TM7SF3: variants seen among roughly 807,000 people sequenced by gnomAD.
The protein encoded by TM7SF3 is seven span transmembrane protein.
A neutral mutation model predicts 65.5 loss-of-function variants in TM7SF3; 60 were observed. The observed-to-expected ratio is 0.92, with a 90% CI of 0.74 to 1.14. TM7SF3 has a LOEUF of 1.14. TM7SF3 is among the 50% of genes most tolerant of loss of function. The probability of loss-of-function intolerance (pLI) is 0.00; values close to 1 mark genes in which losing one functional copy is unlikely to be tolerated. For synonymous variants in TM7SF3, 264 were observed against 259.6 expected, an observed-to-expected ratio of 1.02 and a Z score of -0.16; for missense variants, 623 against 684.8, an observed-to-expected ratio of 0.91 and a Z score of 1.01.
chr12:27,008,601 A>C (rs1044231752), intron 1 of TM7SF3, among the ~76,000 whole-genome samples: 7 of 152,172 alleles, frequency 4.6e-5, no homozygotes, highest in African/African-American at 1.2e-4. Context: ...ATATACCAAG[A>C]TCATGAAGAT....
chr12:27,013,662 A>C (rs1008876054), intron 1 of TM7SF3, among the ~76,000 whole-genome samples: 1 of 152,168 alleles, frequency 6.6e-6, no homozygotes, highest in Non-Finnish European at 1.5e-5. Context: ...TGGGGGTGTA[A>C]AAATTCCATG....
chr12:26,987,317 C>T (rs1324828588), intron 6 of TM7SF3, among the ~76,000 whole-genome samples: 1 of 152,172 alleles, frequency 6.6e-6, no homozygotes, highest in African/African-American at 2.4e-5. Flanking sequence ...AATGTATCCT[C>T]CCAACCTTCT....
At chr12:27,003,709 C>T (rs1250926373) in intron 1 of TM7SF3, among the ~76,000 whole-genome samples, 1 of 152,172 alleles carries the variant, frequency 6.6e-6, no homozygotes. Context: ...GGAACAGAGT[C>T]CCTGAATTTA....
At chr12:26,977,325 A>G (rs981621692) in intron 9 of TM7SF3, among the ~76,000 whole-genome samples, 2 of 152,290 alleles carry the variant, frequency 1.3e-5, no homozygotes, top group African/African-American at 4.8e-5. Flanking sequence ...GAAAATAGTT[A>G]CGATGCATGC....
At chr12:26,980,505 G>A (rs1213840586) in intron 8 of TM7SF3, 61 bp downstream of exon 8, 2 of 856,878 alleles carry the variant, frequency 2.3e-6, no homozygotes, top group Non-Finnish European at 3.9e-6. Flanking sequence ...AAGGAAAGGT[G>A]AAGTAAAACA....
At chr12:26,991,403 C>G (rs1055443287) in intron 5 of TM7SF3, among the ~76,000 whole-genome samples, 1 of 152,006 alleles carries the variant, frequency 6.6e-6, no homozygotes, top group East Asian at 1.9e-4. Context: ...CCACCCGCCT[C>G]GGCCTCCCAA....
chr12:26,998,732 A>G (rs1940704822), intron 3 of TM7SF3, among the ~76,000 whole-genome samples: 2 of 151,972 alleles, frequency 1.3e-5, no homozygotes, highest in African/African-American at 4.8e-5. Context: ...GCCCTCTCCA[A>G]TCCATCCCCA....
Position 26,974,104 on chromosome 12 carries a change from T to C in TM7SF3, c.1574A>G (p.Glu525Gly). Reference protein sequence around the residue: ...HPYKLWKQERERRVTNILDPS... With the variant: ...HPYKLWKQERGRRVTNILDPS... ...GTCCAGAATGTTTGTCACTCGGCGCTCTCTCTCTTGCTTCCATAACTTGTA... is the reference window on the plus strand; with the variant it reads ...GTCCAGAATGTTTGTCACTCGGCGCCCTCTCTCTTGCTTCCATAACTTGTA... Residue 525 changes from glutamate to glycine, a missense_variant, in exon 12 of 12, where the codon GAG becomes GGG. By Grantham distance (98) the Glu-to-Gly change is moderately conservative. Coordinates refer to ENST00000343028, the MANE Select transcript of TM7SF3 (RefSeq NM_016551.3). The C allele has an allele frequency of 3.1e-6, 5 of 1,614,166 alleles. No individual in the cohort carries two copies. Among genetic ancestry groups the C allele is most frequent in the Non-Finnish European group, 4.2e-6 (5 of 1,180,022 alleles).
intron 7 of TM7SF3, 30 bp downstream of exon 7, chr12:26,982,743 T>C: frequency 2.6e-6 from 4 of 1,523,782 alleles, no homozygotes; most frequent in Non-Finnish European, 3.6e-6. Flanking sequence ...GACTGCAAAA[T>C]GGAAATAGCA....
At chr12:26,985,630 A>G (rs1940019159) in intron 6 of TM7SF3, among the ~76,000 whole-genome samples, 1 of 47,102 alleles carries the variant, frequency 2.1e-5, no homozygotes. Context: ...TCAAAAAAAA[A>G]AAAAAAAAAA....
At chr12:26,986,262 C>G (rs901532480) in intron 6 of TM7SF3, among the ~76,000 whole-genome samples, 3 of 152,162 alleles carry the variant, frequency 2.0e-5, no homozygotes, top group African/African-American at 7.2e-5. Flanking sequence ...AAATCACCCT[C>G]GATATCTAAT....
chr12:26,984,131 A>C (rs755958247), intron 6 of TM7SF3, among the ~76,000 whole-genome samples: 3 of 152,180 alleles, frequency 2.0e-5, no homozygotes, highest in Non-Finnish European at 2.9e-5. Flanking sequence ...AGGAGCCCAT[A>C]AGAAAGATTA....
intron 6 of TM7SF3, among the ~76,000 whole-genome samples, chr12:26,988,420 T>G (rs1032274126): frequency 6.6e-6 from 1 of 152,122 alleles, no homozygotes; most frequent in African/African-American, 2.4e-5. Flanking sequence ...CATCTTGACC[T>G]CCCAATGTGC....
At chr12:26,978,230 T>C (rs1048723483) in intron 9 of TM7SF3, 1 of 201,264 alleles carries the variant, frequency 5.0e-6, no homozygotes, top group East Asian at 1.6e-4. Context: ...CCAATAGGAA[T>C]AGTTATGTCA....
intron 3 of TM7SF3, among the ~76,000 whole-genome samples, chr12:26,998,374 T>A (rs1214935494): frequency 6.6e-6 from 1 of 152,082 alleles, no homozygotes; most frequent in Non-Finnish European, 1.5e-5. Flanking sequence ...ATCTCACCCC[T>A]CCACTCCAGG....
At chr12:27,002,280 G>A (rs371849081) in intron 2 of TM7SF3, among the ~76,000 whole-genome samples, 1 of 149,650 alleles carries the variant, frequency 6.7e-6, no homozygotes, top group African/African-American at 2.5e-5. Flanking sequence ...CTGGGCAACA[G>A]AGCAAAACCC....
intron 9 of TM7SF3, chr12:26,979,433 A>G (rs967838127): frequency 8.7e-6 from 2 of 230,442 alleles, no homozygotes; most frequent in African/African-American, 4.5e-5. Context: ...TTGAGGGTAC[A>G]ACAGAAGACC....
intron 9 of TM7SF3, 87 bp from the exon 10 acceptor site, chr12:26,976,444 T>C: frequency 1.2e-6 from 1 of 819,576 alleles, no homozygotes; most frequent in Non-Finnish European, 2.0e-6. Context: ...CAGATATACA[T>C]CAAAGCCTTA....
Position 26,984,003 on chromosome 12 carries a change from T to C in TM7SF3, c.869-1144A>G, listed in dbSNP as rs529197266. Among the ~76,000 whole-genome samples, 6 of 152,220 alleles carry C rather than the reference T, an allele frequency of 3.9e-5. No homozygotes were observed. The South Asian group carries it at 1.0e-3, about 26-fold the overall frequency. ...CTGCCACAAATCAAAATACATAAAA[T>C]GCCTAAGAGTGCTCAGAATGGAGAA... On this transcript the variant is annotated intron_variant, in intron 6 of 11. Coordinates refer to ENST00000343028, the MANE Select transcript of TM7SF3 (RefSeq NM_016551.3).
Sources: allele counts gnomAD v4.1 joint callset (sites outside exome capture counted in the v4.1 genomes callset), GRCh38; gene constraint gnomAD v4.1.1; transcripts MANE v1.5; gene names NCBI Gene and HGNC (gene_info 2026-07-23, HGNC 2026-07-21).